The following SGCZ variants were observed in gnomAD, a reference collection of about 807,000 sequenced individuals.
SGCZ encodes zeta-sarcoglycan.
SGCZ carries 40 observed loss-of-function variants against 41.3 expected under a neutral mutation model. The observed-to-expected ratio is 0.97, with a 90% CI of 0.75 to 1.26. The LOEUF (loss-of-function observed/expected upper bound fraction) is 1.26, where lower values mean the gene tolerates loss of function less well. Among genes scored for constraint, SGCZ ranks in the 50% most tolerant of loss-of-function variants. The probability of loss-of-function intolerance (pLI) is 0.00; values close to 1 mark genes in which losing one functional copy is unlikely to be tolerated. For missense variants in SGCZ, 552 were observed against 369.8 expected (o/e 1.49, Z -4.04); for synonymous variants, 206 against 137.5 (o/e 1.50, Z -3.49).
At chr8:14,772,816 C>G (rs1800291141) in intron 1 of SGCZ, among the ~76,000 whole-genome samples, 1 of 152,046 alleles carries the variant, frequency 6.6e-6, no homozygotes, top group Non-Finnish European at 1.5e-5. Flanking sequence ...TTTCCTTAAT[C>G]CAGTCTATCA....
Position 14,312,251 on chromosome 8 carries a change from A to C in SGCZ, c.336+11852T>G, listed in dbSNP as rs997043788. Among the ~76,000 whole-genome samples the C allele has an allele frequency of 7.9e-5, 12 of 152,192 alleles. 1 individual carries two copies. The highest frequency in any genetic ancestry group is 2.9e-4 in the African/African-American group (12 of 41,444). On this transcript the variant is annotated intron_variant, in intron 3 of 7. Coordinates refer to ENST00000382080, the MANE Select transcript of SGCZ (RefSeq NM_139167.4). ...TCTTACTGTGGTTCAAATTCAAAAAAGATTGAAAAACACTAAACTAGTTTA... is the reference window on the plus strand; with the variant it reads ...TCTTACTGTGGTTCAAATTCAAAAACGATTGAAAAACACTAAACTAGTTTA...
chr8:14,107,074 G>T (rs1021776146), intron 6 of SGCZ, among the ~76,000 whole-genome samples: 4 of 151,922 alleles, frequency 2.6e-5, no homozygotes, highest in South Asian at 2.1e-4. Context: ...AAATTAACCG[G>T]GCACAATGGC....
chr8:14,548,958 G>C (rs1803715304), intron 2 of SGCZ, among the ~76,000 whole-genome samples: 1 of 152,082 alleles, frequency 6.6e-6, no homozygotes, highest in South Asian at 2.1e-4. Flanking sequence ...TTGAAACACA[G>C]CTATTTTCTC....
chr8:14,268,629 G>C (rs1354823369), intron 3 of SGCZ, among the ~76,000 whole-genome samples: 1 of 151,500 alleles, frequency 6.6e-6, no homozygotes, highest in Non-Finnish European at 1.5e-5. Context: ...TTTATCTTTG[G>C]CTTGCTTTTA....
intron 2 of SGCZ, among the ~76,000 whole-genome samples, chr8:14,396,628 A>T (rs537316422): frequency 6.6e-6 from 1 of 152,152 alleles, no homozygotes; most frequent in African/African-American, 2.4e-5. Context: ...CACATATTGC[A>T]TCTAGACAAC....
intron 1 of SGCZ, among the ~76,000 whole-genome samples, chr8:15,018,810 A>G (rs1213035742): frequency 6.6e-6 from 1 of 152,238 alleles, no homozygotes; most frequent in Admixed American, 6.5e-5. Context: ...AAGAAGTTTA[A>G]TTGGCTCATG....
At chr8:14,795,303 G>A (rs1441933) in intron 1 of SGCZ, among the ~76,000 whole-genome samples, 107,682 of 152,108 alleles carry the variant, frequency 0.71, 39,229 homozygotes, top group African/African-American at 0.89. Flanking sequence ...GAAGAAAATG[G>A]TTGTAAGCCC....
chr8:14,349,850 A>C (rs1803022615), intron 2 of SGCZ, among the ~76,000 whole-genome samples: 1 of 152,158 alleles, frequency 6.6e-6, no homozygotes, highest in African/African-American at 2.4e-5. Context: ...TTCTATGACC[A>C]AATAAGTTAG....
At chr8:15,107,962 C>G (rs2131093854) in intron 1 of SGCZ, among the ~76,000 whole-genome samples, 1 of 152,254 alleles carries the variant, frequency 6.6e-6, no homozygotes, top group African/African-American at 2.4e-5. Context: ...CTTTAATTCA[C>G]CCTACAGTTG....
chr8:15,233,907 C>T (rs921391200), intron 1 of SGCZ, among the ~76,000 whole-genome samples: 2 of 152,062 alleles, frequency 1.3e-5, no homozygotes, highest in Admixed American at 1.3e-4. Context: ...ATATTATACT[C>T]ATGATGTATT....
intron 1 of SGCZ, among the ~76,000 whole-genome samples, chr8:15,112,786 T>G (rs1807120257): frequency 6.6e-6 from 1 of 152,172 alleles, no homozygotes; most frequent in Non-Finnish European, 1.5e-5. Context: ...TAGTGAATCC[T>G]CCAAGCCAGC....
intron 7 of SGCZ, among the ~76,000 whole-genome samples, chr8:14,098,131 G>A (rs1801901617): frequency 6.6e-6 from 1 of 152,000 alleles, no homozygotes; most frequent in South Asian, 2.1e-4. Flanking sequence ...TTCAGTAAAT[G>A]AATACATTAT....
chr8:14,220,654 G>C (rs1437066679), intron 4 of SGCZ, among the ~76,000 whole-genome samples: 4 of 152,076 alleles, frequency 2.6e-5, no homozygotes, highest in Admixed American at 6.6e-5. Context: ...GGGCGTAGTG[G>C]TGCCTGCCTG....
chr8:14,821,000 A>G (rs1033083830), intron 1 of SGCZ, among the ~76,000 whole-genome samples: 1 of 151,918 alleles, frequency 6.6e-6, no homozygotes, highest in Non-Finnish European at 1.5e-5. Flanking sequence ...AGAGATAAGT[A>G]AAATAGCGAT....
chr8:14,285,908 T>C (rs1281380030), intron 3 of SGCZ, among the ~76,000 whole-genome samples: 1 of 152,074 alleles, frequency 6.6e-6, no homozygotes, highest in Non-Finnish European at 1.5e-5. Flanking sequence ...AAAGGAGACA[T>C]CCTATGATTA....
intron 1 of SGCZ, among the ~76,000 whole-genome samples, chr8:14,570,709 A>G (rs1202223017): frequency 6.6e-6 from 1 of 152,180 alleles, no homozygotes; most frequent in Non-Finnish European, 1.5e-5. Flanking sequence ...GATTTTGGAA[A>G]TGTAACAAAT....
At chr8:14,179,863 C>A (rs889420180) in intron 4 of SGCZ, among the ~76,000 whole-genome samples, 8 of 152,056 alleles carry the variant, frequency 5.3e-5, no homozygotes, top group African/African-American at 1.7e-4. Flanking sequence ...CCATTATACA[C>A]CCCAATAAAT....
At chr8:14,770,057 T>C (rs774675389) in intron 1 of SGCZ, among the ~76,000 whole-genome samples, 14 of 151,176 alleles carry the variant, frequency 9.3e-5, no homozygotes, top group Non-Finnish European at 1.3e-4. Context: ...TGTTTTTTCA[T>C]TTTTAATGCC....
At chr8:15,164,015 C>A (rs1191391884) in intron 1 of SGCZ, among the ~76,000 whole-genome samples, 1 of 152,170 alleles carries the variant, frequency 6.6e-6, no homozygotes, top group Non-Finnish European at 1.5e-5. Context: ...CAATGGCCGC[C>A]GGGAAGCGCT....
Sources: gnomAD v4.1 joint callset for allele counts (sites outside exome capture counted in the v4.1 genomes callset) on GRCh38, gnomAD v4.1.1 for gene constraint, MANE v1.5 for transcripts, NCBI Gene and HGNC (gene_info 2026-07-23, HGNC 2026-07-21) for gene names.